The following ANK2 variants were observed in gnomAD, a reference collection of about 807,000 sequenced individuals.
ANK2 encodes ankyrin-2.
Under a neutral mutation model 360.5 loss-of-function variants are expected in ANK2, and 83 were observed. That is an observed-to-expected ratio of 0.23 (90% confidence interval 0.19 to 0.28). ANK2 has a LOEUF of 0.28. Ranked by LOEUF, ANK2 falls within the 10% of genes least tolerant of loss-of-function variation. The pLI is 1.00. For synonymous variants in ANK2, 1,740 were observed against 1,759.5 expected (o/e 0.99, Z 0.28); for missense variants, 4,201 against 4,795.7 (o/e 0.88, Z 3.66).
intron 1 of ANK2, among the ~76,000 whole-genome samples, chr4:113,173,499 A>C (rs939489356): frequency 7.9e-5 from 12 of 152,198 alleles, no homozygotes; most frequent in African/African-American, 2.9e-4. Flanking sequence ...ACAAAAAATT[A>C]TAACAGTTAT....
At chr4:112,774,391 T>A in the ANK2 span, among the ~76,000 whole-genome samples, 3 of 151,912 alleles carry the variant, frequency 2.0e-5, no homozygotes, top group Non-Finnish European at 4.4e-5. Context: ...GCAGGTGTAG[T>A]GGCAGGTGTC....
At chr4:112,924,083 T>A (rs2092113000) in intron 2 of ANK2, among the ~76,000 whole-genome samples, 1 of 152,198 alleles carries the variant, frequency 6.6e-6, no homozygotes, top group Admixed American at 6.5e-5. Context: ...CTAAAAGATG[T>A]GAGCTGGCTG....
chr4:112,944,075 G>A (rs1397407153), intron 2 of ANK2, among the ~76,000 whole-genome samples: 1 of 152,028 alleles, frequency 6.6e-6, no homozygotes, highest in African/African-American at 2.4e-5. Flanking sequence ...TATCCAGCAA[G>A]GACTAAAAAA....
intron 5 of ANK2, among the ~76,000 whole-genome samples, chr4:113,233,381 C>T (rs961323889): frequency 1.5e-4 from 23 of 151,258 alleles, no homozygotes; most frequent in Non-Finnish European, 3.1e-4. Flanking sequence ...GTGATCCGCC[C>T]GCCTCGGCCT....
the ANK2 span, among the ~76,000 whole-genome samples, chr4:112,753,052 C>T: frequency 1.3e-5 from 2 of 152,300 alleles, no homozygotes; most frequent in Middle Eastern, 3.4e-3. Flanking sequence ...AGGAACCTGA[C>T]AATAAGTCTG....
chr4:113,057,109 A>C (rs1012667561), intron 1 of ANK2, among the ~76,000 whole-genome samples: 1 of 152,174 alleles, frequency 6.6e-6, no homozygotes, highest in Non-Finnish European at 1.5e-5. Flanking sequence ...GCTAGGCTAA[A>C]AGCCAATGAT....
the ANK2 span, among the ~76,000 whole-genome samples, chr4:112,811,226 C>A: frequency 4.6e-5 from 7 of 152,246 alleles, no homozygotes; most frequent in East Asian, 9.6e-4. Flanking sequence ...CGTGAGCCAC[C>A]GCGCCCGGCC....
chr4:112,820,789 G>A (rs1034600560), intron 1 of ANK2, among the ~76,000 whole-genome samples: 6 of 152,092 alleles, frequency 3.9e-5, no homozygotes, highest in African/African-American at 1.2e-4. Flanking sequence ...GCCCAGGCTG[G>A]AGTGCAGGGG....
At chr4:113,038,829 G>C (rs1211885369) in intron 2 of ANK2, among the ~76,000 whole-genome samples, 1 of 152,000 alleles carries the variant, frequency 6.6e-6, no homozygotes, top group African/African-American at 2.4e-5. Flanking sequence ...CACATGGGAA[G>C]AGAGAGAGAG....
chr4:113,198,927 G>A, intron 3 of ANK2, 84 bp from the exon 4 acceptor site: 1 of 1,076,162 alleles, frequency 9.3e-7, no homozygotes, highest in South Asian at 1.3e-5. Context: ...AAAGTGATTA[G>A]TGAAGTTGAA....
the ANK2 span, among the ~76,000 whole-genome samples, chr4:112,775,544 C>CACACACACACACACA: frequency 6.6e-6 from 1 of 151,332 alleles, no homozygotes. Context: ...CACACACACA[C>CACACACACACACACA]AAGAAAAAAA....
chr4:112,786,746 C>CTTT, the ANK2 span, among the ~76,000 whole-genome samples: 10 of 108,928 alleles, frequency 9.2e-5, no homozygotes, highest in South Asian at 3.0e-4. Context: ...TAAAATCAAA[C>CTTT]TTTTTTTTTT....
At position 113,174,387 on chromosome 4, in the gene ANK2, T is replaced by A. The variant is rs766679849; in HGVS notation, c.85-29T>A. 59 of 1,546,042 alleles carry A rather than the reference T, an allele frequency of 3.8e-5. No individual in the cohort carries two copies. The Middle Eastern group carries it at 2.3e-3, about 61-fold the overall frequency. On this transcript the variant is annotated intron_variant, in intron 1 of 45. Coordinates refer to ENST00000357077, the MANE Select transcript of ANK2 (RefSeq NM_001148.6). The stretch of plus-strand genomic sequence containing the variant: ...GATACATTTCTATTTCATCAATAGT[T>A]CATTAAAGGTCTTTTATTTTTCTCG...
intron 8 of ANK2, among the ~76,000 whole-genome samples, 190 bp downstream of exon 8, chr4:113,240,773 A>G (rs959494094): frequency 6.6e-6 from 1 of 152,214 alleles, no homozygotes; most frequent in African/African-American, 2.4e-5. Flanking sequence ...GCAGAAAATA[A>G]GAATGTTGTA....
intron 39 of ANK2, among the ~76,000 whole-genome samples, chr4:113,361,680 A>G (rs987739331): frequency 1.3e-5 from 2 of 152,014 alleles, no homozygotes; most frequent in African/African-American, 2.4e-5. Context: ...TTTAGAGTAC[A>G]TGACTGGAGA....
At chr4:113,349,528 G>A (rs1280727881) in intron 36 of ANK2, among the ~76,000 whole-genome samples, 1 of 151,920 alleles carries the variant, frequency 6.6e-6, no homozygotes, top group Non-Finnish European at 1.5e-5. Context: ...GACTATAGAA[G>A]CACTGTCCTG....
chr4:113,347,916 A>G lies in ANK2; in HGVS notation c.4372-360A>G, dbSNP rs191388038. The G allele has an allele frequency of 1.4e-3, 313 of 227,814 alleles. 2 individuals are homozygous for G. Among genetic ancestry groups the G allele is most frequent in the African/African-American group, 5.0e-3 (220 of 44,394 alleles). 14.1% of individuals were successfully genotyped at this position (227,814 alleles called of 1,614,324 possible). A position where few individuals can be genotyped will look rare whatever the true frequency, so the allele number is the denominator to read the frequency against. On this transcript the variant is annotated intron_variant, in intron 35 of 45. Coordinates refer to ENST00000357077, the MANE Select transcript of ANK2 (RefSeq NM_001148.6). ...CATATGCTTATTTGTAGCTTTTAGTATTTTCAACCAATATCTGTAATGATT... is the reference window on the plus strand; with the variant it reads ...CATATGCTTATTTGTAGCTTTTAGTGTTTTCAACCAATATCTGTAATGATT...
intron 2 of ANK2, among the ~76,000 whole-genome samples, chr4:112,974,989 T>C (rs2040880301): frequency 1.3e-5 from 2 of 152,204 alleles, no homozygotes; most frequent in Non-Finnish European, 2.9e-5. Context: ...ATGGGTTAAC[T>C]CTAGTTTCAA....
intron 2 of ANK2, among the ~76,000 whole-genome samples, chr4:112,949,174 TC>T (rs113340018): frequency 7.7e-4 from 118 of 152,296 alleles, no homozygotes; most frequent in African/African-American, 2.8e-3. Flanking sequence ...TTGAATTGTT[TC>T]GCTGATTTCA....
Sources: gnomAD v4.1 joint callset for allele counts (sites outside exome capture counted in the v4.1 genomes callset) on GRCh38, gnomAD v4.1.1 for gene constraint, MANE v1.5 for transcripts, NCBI Gene and HGNC (gene_info 2026-07-23, HGNC 2026-07-21) for gene names.